Variants in TMOD1 observed in about 807,000 individuals in gnomAD.
TMOD1 encodes tropomodulin-1.
A neutral mutation model predicts 40.6 loss-of-function variants in TMOD1; 17 were observed. The ratio of observed to expected loss-of-function variants is 0.42; its 90% CI spans 0.29 to 0.63. The LOEUF (loss-of-function observed/expected upper bound fraction) is 0.63, where lower values mean the gene tolerates loss of function less well. Ranked by LOEUF, TMOD1 falls within the 20% of genes least tolerant of loss-of-function variation. TMOD1 has a pLI of 0.22. For synonymous variants in TMOD1, 181 were observed against 175.0 expected (o/e 1.03, Z -0.27); for missense variants, 391 against 447.6 (o/e 0.87, Z 1.14).
intron 8 of TMOD1, among the ~76,000 whole-genome samples, chr9:97,574,269 G>GCGTGTTC (rs981668633): frequency 2.1e-4 from 32 of 152,018 alleles, no homozygotes; most frequent in Admixed American, 7.9e-4. Context: ...GCGGGCCAGC[G>GCGTGTTC]CGTGTTCCGG....
At chr9:97,541,667 C>A (rs761420130) in intron 2 of TMOD1, among the ~76,000 whole-genome samples, 1 of 151,700 alleles carries the variant, frequency 6.6e-6, no homozygotes, top group African/African-American at 2.4e-5. Flanking sequence ...AGGCATGCAC[C>A]ACCACGCCCG....
At chr9:97,516,343 T>A (rs994548333) in intron 1 of TMOD1, 1 of 152,400 alleles carries the variant, frequency 6.6e-6, no homozygotes, top group Non-Finnish European at 1.5e-5. Context: ...GGGGCAGCGC[T>A]GCTTCTTTAG....
chr9:97,577,208 G>T (rs1037217847), intron 8 of TMOD1, among the ~76,000 whole-genome samples: 1 of 152,118 alleles, frequency 6.6e-6, no homozygotes, highest in Non-Finnish European at 1.5e-5. Context: ...ACACTTTCAG[G>T]CACAGGCAGC....
intron 2 of TMOD1, 51 bp from the exon 3 acceptor site, chr9:97,546,134 T>TTCTC (rs750370680): frequency 1.9e-6 from 3 of 1,539,068 alleles, no homozygotes; most frequent in African/African-American, 1.4e-5. Flanking sequence ...CACTCTCTCT[T>TTCTC]TCTCTCTCTC....
At chr9:97,508,390 A>G (rs546614540) in intron 1 of TMOD1, among the ~76,000 whole-genome samples, 1 of 152,104 alleles carries the variant, frequency 6.6e-6, no homozygotes, top group African/African-American at 2.4e-5. Flanking sequence ...GGGTTTCGCC[A>G]TGTTGGTCAG....
chr9:97,544,085 A>G (rs1036592812), intron 2 of TMOD1, among the ~76,000 whole-genome samples: 6 of 152,206 alleles, frequency 3.9e-5, no homozygotes. Flanking sequence ...ACCACCTGCC[A>G]AGCCCATTAT....
Position 97,601,352 on chromosome 9 carries a change from C to T in TMOD1, c.*1654C>T, listed in dbSNP as rs765740941. Reference sequence around the variant, plus strand: ...AGCCACCATGGCAGTGCTGGATGACCTCAGTAAGAATGTGTCATGTATTCC... The same window carrying T: ...AGCCACCATGGCAGTGCTGGATGACTTCAGTAAGAATGTGTCATGTATTCC... On this transcript the variant is annotated 3_prime_UTR_variant, in exon 10 of 10. Transcript: ENST00000259365. 238 of 1,130,568 alleles carry T rather than the reference C, an allele frequency of 2.1e-4. No individual in the cohort carries two copies. The highest frequency in any genetic ancestry group is 1.8e-4 in the Non-Finnish European group (161 of 909,476). The allele number at this position is 1,130,568 out of a possible 1,614,324, so 70.0% of individuals were successfully genotyped here. A position where few individuals can be genotyped will look rare whatever the true frequency, so the allele number is the denominator to read the frequency against.
intron 1 of TMOD1, among the ~76,000 whole-genome samples, chr9:97,503,336 T>A (rs1006651798): frequency 1.3e-5 from 2 of 152,240 alleles, no homozygotes; most frequent in Non-Finnish European, 2.9e-5. Context: ...GACTTTACCT[T>A]GTCTGGACAA....
chr9:97,595,553 TAAAG>T (rs1348991951), intron 9 of TMOD1, among the ~76,000 whole-genome samples: 1 of 150,486 alleles, frequency 6.6e-6, no homozygotes, highest in African/African-American at 2.4e-5. Flanking sequence ...TTTTTTTTTT[TAAAG>T]AAAAGGCTGA....
chr9:97,542,618 C>T (rs1292805063), intron 2 of TMOD1, among the ~76,000 whole-genome samples: 1 of 151,804 alleles, frequency 6.6e-6, no homozygotes, highest in African/African-American at 2.4e-5. Context: ...TTTGGGAGGC[C>T]GAGGCTGGTG....
intron 1 of TMOD1, among the ~76,000 whole-genome samples, chr9:97,520,116 C>T (rs1829891596): frequency 6.6e-6 from 1 of 152,130 alleles, no homozygotes; most frequent in South Asian, 2.1e-4. Context: ...TCACTTATCC[C>T]TAACCCTTTG....
Position 97,557,087 on chromosome 9 carries a change from G to A in TMOD1, c.397+3687G>A, listed in dbSNP as rs57625074. Among the ~76,000 whole-genome samples the A allele has an allele frequency of 7.8e-3, 1,182 of 152,326 alleles. 19 individuals are homozygous for A. Among genetic ancestry groups the A allele is most frequent in the African/African-American group, 0.027 (1,142 of 41,576 alleles). ...TCCTACTGTATACTAGGATGAACAG[G>A]AGCCAGTCCTTGCCTTTGGGAGGCC... is the stretch of plus-strand genomic sequence containing the variant. On this transcript the variant is annotated intron_variant, in intron 4 of 9. Coordinates refer to ENST00000259365, the MANE Select transcript of TMOD1 (RefSeq NM_003275.4). This position sits in a 1 kb window ranked among gnomAD's most constrained non-coding sequence, Gnocchi z 4.4.
intron 2 of TMOD1, among the ~76,000 whole-genome samples, chr9:97,542,166 C>A (rs915443908): frequency 1.3e-5 from 2 of 152,166 alleles, no homozygotes; most frequent in Non-Finnish European, 1.5e-5. Flanking sequence ...TGGGAGATCA[C>A]ATGCTGTTTT....
intron 1 of TMOD1, among the ~76,000 whole-genome samples, chr9:97,512,003 C>T (rs1370437028): frequency 2.6e-5 from 4 of 152,186 alleles, no homozygotes; most frequent in African/African-American, 7.2e-5. Context: ...CTCTTCTGTT[C>T]CCTCTTCCCC....
intron 2 of TMOD1, among the ~76,000 whole-genome samples, chr9:97,531,420 G>A (rs969009948): frequency 1.1e-4 from 16 of 152,018 alleles, no homozygotes; most frequent in Non-Finnish European, 8.8e-5. Flanking sequence ...AAACCAGCCT[G>A]GCCAACATAG....
At chr9:97,511,440 C>G (rs776304249) in intron 1 of TMOD1, among the ~76,000 whole-genome samples, 2 of 152,182 alleles carry the variant, frequency 1.3e-5, no homozygotes, top group Admixed American at 6.5e-5. Flanking sequence ...TTGTCAACTC[C>G]CCAATAACCA....
At chr9:97,553,251 T>G in intron 3 of TMOD1, 30 bp from the exon 4 acceptor site, 1 of 1,612,862 alleles carries the variant, frequency 6.2e-7, no homozygotes, top group Non-Finnish European at 8.5e-7. Context: ...TTGCAGCCAC[T>G]CCCGTAACAG....
intron 3 of TMOD1, among the ~76,000 whole-genome samples, chr9:97,549,539 T>C (rs1452253892): frequency 6.6e-6 from 1 of 152,230 alleles, no homozygotes; most frequent in African/African-American, 2.4e-5. Flanking sequence ...ATTTTCCTTG[T>C]GTGTTTTCCT....
intron 1 of TMOD1, among the ~76,000 whole-genome samples, chr9:97,520,057 A>G (rs1401451266): frequency 1.3e-5 from 2 of 152,122 alleles, no homozygotes; most frequent in Admixed American, 6.5e-5. Context: ...GTGAAATTTT[A>G]TATGGAACCC....
Sources: allele counts gnomAD v4.1 joint callset (sites outside exome capture counted in the v4.1 genomes callset), GRCh38; gene constraint gnomAD v4.1.1; non-coding constraint Gnocchi (gnomAD v3.1); transcripts MANE v1.5; gene names NCBI Gene and HGNC (gene_info 2026-07-23, HGNC 2026-07-21).